Variants in TRIM14 observed in about 807,000 individuals in gnomAD.
The protein encoded by TRIM14 is tripartite motif containing 14, also known as tripartite motif-containing protein 14.
TRIM14 carries 28 observed loss-of-function variants against 44.5 expected under a neutral mutation model. The observed-to-expected ratio is 0.63, with a 90% CI of 0.47 to 0.86. The LOEUF (loss-of-function observed/expected upper bound fraction) is 0.86. Among genes scored for constraint, TRIM14 ranks in the 40% least tolerant of loss-of-function variants. The pLI is 0.00. For synonymous variants in TRIM14, 299 were observed against 269.2 expected (o/e 1.11, Z -1.08); for missense variants, 607 against 611.1 (o/e 0.99, Z 0.07).
the TRIM14 span, among the ~76,000 whole-genome samples, chr9:98,039,729 A>C: frequency 1.1e-4 from 16 of 151,892 alleles, no homozygotes; most frequent in African/African-American, 3.6e-4. Context: ...GCAAGAAGAG[A>C]GCTCCGACTC....
downstream of TRIM14, among the ~76,000 whole-genome samples, chr9:98,079,459 A>T (rs557739523): frequency 9.1e-6 from 1 of 110,024 alleles, no homozygotes; most frequent in Non-Finnish European, 1.7e-5. Context: ...ACATGTTGTT[A>T]TACAGCCATT....
chr9:98,047,706 A>G, the TRIM14 span, among the ~76,000 whole-genome samples: 3 of 152,070 alleles, frequency 2.0e-5, no homozygotes, highest in South Asian at 2.1e-4. Flanking sequence ...GCTAATGGCA[A>G]TTATGGGGGA....
chr9:98,078,904 G>T (rs1267123439), intron 6 of TRIM14, among the ~76,000 whole-genome samples: 1 of 151,434 alleles, frequency 6.6e-6, no homozygotes, highest in Non-Finnish European at 1.5e-5. Context: ...TGGCTATTGT[G>T]AATGATGCTG....
chr9:98,069,143 G>A (rs74813260), downstream of TRIM14: 1 of 152,336 alleles, frequency 6.6e-6, no homozygotes, highest in East Asian at 1.9e-4. Flanking sequence ...GTATGTGAGT[G>A]TCATTACAAC....
intron 2 of TRIM14, among the ~76,000 whole-genome samples, chr9:98,107,091 T>C (rs552094668): frequency 6.6e-5 from 10 of 152,310 alleles, no homozygotes; most frequent in African/African-American, 2.4e-4. Context: ...TGATAAGGTA[T>C]CACTACACAC....
chr9:98,110,171 C>T (rs574774838), intron 1 of TRIM14, 187 bp from the exon 2 acceptor site: 57 of 578,494 alleles, frequency 9.9e-5, no homozygotes, highest in South Asian at 9.0e-4. Context: ...CTCTGATCCT[C>T]GGAGGTCCAC....
At chr9:98,100,630 C>T (rs2118458669) in intron 2 of TRIM14, among the ~76,000 whole-genome samples, 1 of 152,182 alleles carries the variant, frequency 6.6e-6, no homozygotes, top group Middle Eastern at 3.4e-3. Flanking sequence ...GCCTTATCTG[C>T]CTTATCTGAT....
chr9:98,039,569 G>A, the TRIM14 span, among the ~76,000 whole-genome samples: 2 of 152,056 alleles, frequency 1.3e-5, no homozygotes, highest in Non-Finnish European at 2.9e-5. Flanking sequence ...CAGCTGGAGG[G>A]GGACAAGATT....
intron 6 of TRIM14, chr9:98,075,295 A>G (rs1829531538): frequency 6.6e-6 from 1 of 150,858 alleles, no homozygotes; most frequent in Non-Finnish European, 1.5e-5. Flanking sequence ...ACCACAAAAG[A>G]AAAGAAAAAG....
chr9:98,056,501 G>T, the TRIM14 span, among the ~76,000 whole-genome samples: 5 of 152,226 alleles, frequency 3.3e-5, no homozygotes, highest in African/African-American at 1.2e-4. Flanking sequence ...GTGCACGCAC[G>T]GATACCGCGA....
chr9:98,041,975 G>A, the TRIM14 span, among the ~76,000 whole-genome samples: 4 of 151,512 alleles, frequency 2.6e-5, no homozygotes, highest in Admixed American at 2.0e-4. Flanking sequence ...GAGCCACCGC[G>A]CCTGGCCTAA....
chr9:98,038,036 AT>A, the TRIM14 span, among the ~76,000 whole-genome samples: 2 of 151,494 alleles, frequency 1.3e-5, no homozygotes, highest in Admixed American at 1.3e-4. Context: ...CCCGGCTCTT[AT>A]TTTTATTTTT....
chr9:98,038,958 G>T, the TRIM14 span, among the ~76,000 whole-genome samples: 1 of 152,052 alleles, frequency 6.6e-6, no homozygotes, highest in Non-Finnish European at 1.5e-5. Context: ...GCTGAGGCAG[G>T]AGAATCGCTT....
At chr9:98,062,724 G>A in the TRIM14 span, among the ~76,000 whole-genome samples, 3 of 148,578 alleles carry the variant, frequency 2.0e-5, no homozygotes, top group Non-Finnish European at 4.4e-5. Flanking sequence ...TTTGGTGCAT[G>A]TACTATACTG....
At chr9:98,107,994 T>C (rs957959604) in intron 2 of TRIM14, among the ~76,000 whole-genome samples, 1 of 151,842 alleles carries the variant, frequency 6.6e-6, no homozygotes, top group East Asian at 1.9e-4. Flanking sequence ...TTGGCAGTGA[T>C]GGAATAGCCT....
At chr9:98,101,508 C>T (rs1313854132) in intron 2 of TRIM14, among the ~76,000 whole-genome samples, 1 of 151,842 alleles carries the variant, frequency 6.6e-6, no homozygotes, top group Non-Finnish European at 1.5e-5. Context: ...TCACTGCAAC[C>T]TCCGCTTCCC....
intron 5 of TRIM14, among the ~76,000 whole-genome samples, chr9:98,089,613 C>A (rs560717499): frequency 2.6e-5 from 4 of 152,322 alleles, no homozygotes; most frequent in African/African-American, 9.6e-5. Flanking sequence ...CCTTAAGAGA[C>A]AACAGTCAAT....
chr9:98,110,418 T>TG (rs992279359), intron 1 of TRIM14, among the ~76,000 whole-genome samples: 2 of 152,176 alleles, frequency 1.3e-5, no homozygotes, highest in African/African-American at 4.8e-5. Context: ...TGTGACCCTC[T>TG]GGCCCTGGAC....
the TRIM14 span, among the ~76,000 whole-genome samples, chr9:98,049,759 T>C: frequency 6.6e-6 from 1 of 152,162 alleles, no homozygotes; most frequent in Non-Finnish European, 1.5e-5. Flanking sequence ...TCCTGTCTCT[T>C]CTTGTAACTA....
Sources: gnomAD v4.1 joint callset for allele counts (sites outside exome capture counted in the v4.1 genomes callset) on GRCh38, gnomAD v4.1.1 for gene constraint, MANE v1.5 for transcripts, NCBI Gene and HGNC (gene_info 2026-07-23, HGNC 2026-07-21) for gene names.